The following MYL4 variants were observed in gnomAD, a reference collection of about 807,000 sequenced individuals.
The protein encoded by MYL4 is atrial myosin light chain 1.
A neutral mutation model predicts 21.6 loss-of-function variants in MYL4; 16 were observed. The ratio of observed to expected loss-of-function variants is 0.74; its 90% CI spans 0.50 to 1.12. The LOEUF (loss-of-function observed/expected upper bound fraction) is 1.12, where lower values mean the gene tolerates loss of function less well. MYL4 is among the 50% of genes most tolerant of loss of function. The pLI is 0.00. For synonymous variants in MYL4, 82 were observed against 95.7 expected (o/e 0.86, Z 0.83); for missense variants, 249 against 252.9 (o/e 0.98, Z 0.11).
intron 2 of MYL4, 117 bp downstream of exon 2, chr17:47,213,943 C>G: frequency 8.3e-7 from 1 of 1,201,092 alleles, no homozygotes; most frequent in Non-Finnish European, 1.2e-6. Context: ...CTGTCATCAT[C>G]ATAGCAAACC....
intron 2 of MYL4, 99 bp from the exon 3 acceptor site, chr17:47,219,805 C>A: frequency 2.1e-6 from 3 of 1,432,426 alleles, no homozygotes; most frequent in African/African-American, 1.4e-5. Context: ...ATTTTAACAA[C>A]CACACTCACC....
rs1340647241 is a variant in MYL4, at chr17:47,221,798, A to G, written c.430A>G (p.Lys144Glu). The change falls in exon 4 of 7, where the codon AAG becomes GAG. Residue 144 changes from lysine (K) to glutamate (E), a missense_variant. By Grantham distance (56) the Lys-to-Glu change is moderately conservative. Coordinates refer to ENST00000393450, the MANE Select transcript of MYL4 (RefSeq NM_002476.2). ...CGTGGAGGGCCTGCGTGTCTTTGAC[A>G]AGGAGAGCAATGGCACGGTCATGGG... is the stretch of plus-strand genomic sequence containing the variant. ...DFVEGLRVFD[K>E]ESNGTVMGAE... 2 of 1,614,016 alleles carry G rather than the reference A, an allele frequency of 1.2e-6. No homozygotes were observed. The highest frequency in any genetic ancestry group is 1.7e-6 in the Non-Finnish European group (2 of 1,180,018).
upstream of MYL4, among the ~76,000 whole-genome samples, chr17:47,205,840 C>T (rs1415153216): frequency 1.3e-5 from 2 of 152,140 alleles, no homozygotes; most frequent in Non-Finnish European, 2.9e-5. Context: ...CCCTTCCCCC[C>T]GCTTCCATTC....
At chr17:47,199,317 C>A (rs72823450), upstream of MYL4, among the ~76,000 whole-genome samples, 5,217 of 28,356 alleles carry the variant, frequency 0.18, 193 homozygotes, top group African/African-American at 0.37. Flanking sequence ...AAAAAAAAAA[C>A]CCCAGAAAAA....
At chr17:47,192,929 T>C in the MYL4 span, among the ~76,000 whole-genome samples, 1 of 152,186 alleles carries the variant, frequency 6.6e-6, no homozygotes. Flanking sequence ...AAAATTATTT[T>C]TTCTCCTAAG....
intron 4 of MYL4, 150 bp from the exon 5 acceptor site, chr17:47,222,230 C>A: frequency 1.3e-6 from 1 of 763,550 alleles, no homozygotes; most frequent in Non-Finnish European, 2.2e-6. Context: ...TTGGCCGCAC[C>A]CTTCAGAACC....
chr17:47,209,299 TG>T, upstream of MYL4: 2 of 1,305,942 alleles, frequency 1.5e-6, no homozygotes, highest in Non-Finnish European at 2.2e-6. Context: ...AGCCCCTCTG[TG>T]GGGGCTCCTG....
chr17:47,203,033 C>T (rs2149038540), intron 1 of MYL4, among the ~76,000 whole-genome samples: 1 of 152,262 alleles, frequency 6.6e-6, no homozygotes, highest in African/African-American at 2.4e-5. Flanking sequence ...CTCACTGCAG[C>T]CCTGCTTCCC....
intron 1 of MYL4, 173 bp downstream of exon 1, chr17:47,209,730 G>A (rs1413823318): frequency 2.2e-6 from 2 of 919,336 alleles, no homozygotes; most frequent in South Asian, 1.4e-5. Context: ...TGATGAGGGG[G>A]AGATTGAGTC....
chr17:47,213,293 A>G (rs1416167140), intron 1 of MYL4, among the ~76,000 whole-genome samples: 1 of 152,122 alleles, frequency 6.6e-6, no homozygotes, highest in Non-Finnish European at 1.5e-5. Flanking sequence ...AGAGCTTTGG[A>G]GTCTGCATTA....
At chr17:47,218,825 G>T (rs763523669) in intron 2 of MYL4, among the ~76,000 whole-genome samples, 2 of 152,096 alleles carry the variant, frequency 1.3e-5, no homozygotes, top group Admixed American at 1.3e-4. Flanking sequence ...AATCAATGAA[G>T]AGTTAAGGTT....
chr17:47,192,224 C>T, the MYL4 span, among the ~76,000 whole-genome samples: 3 of 151,662 alleles, frequency 2.0e-5, no homozygotes, highest in African/African-American at 7.3e-5. Flanking sequence ...CGTGGTGGCA[C>T]ATGCCTGTAA....
At chr17:47,193,797 C>A in the MYL4 span, among the ~76,000 whole-genome samples, 1 of 151,764 alleles carries the variant, frequency 6.6e-6, no homozygotes, top group Non-Finnish European at 1.5e-5. Context: ...ACTCTGTCAC[C>A]CAGGCTGGAG....
intron 1 of MYL4, among the ~76,000 whole-genome samples, chr17:47,203,881 T>C (rs1254844548): frequency 6.6e-6 from 1 of 152,146 alleles, no homozygotes; most frequent in Non-Finnish European, 1.5e-5. Flanking sequence ...ACTCATAAAA[T>C]AACTCTCCAT....
Position 47,218,575 on chromosome 17 carries a change from C to T in MYL4, c.164-1329C>T, listed in dbSNP as rs2064831853. ...CCAAGGCAGATGGATCACTTGAGGC[C>T]AGGAATTTGAGACCAGCCTGGCCAA... On this transcript the variant is annotated intron_variant, in intron 2 of 6. Coordinates refer to ENST00000393450, the MANE Select transcript of MYL4 (RefSeq NM_002476.2). Among the ~76,000 whole-genome samples, 4 of 152,174 alleles carry T rather than the reference C, an allele frequency of 2.6e-5. No individual in the cohort carries two copies. In the South Asian group the frequency reaches 8.3e-4, roughly 32 times the overall value.
chr17:47,189,477 T>A, the MYL4 span: 1 of 476,134 alleles, frequency 2.1e-6, no homozygotes, highest in Non-Finnish European at 3.9e-6. Flanking sequence ...AAAGCGTAGG[T>A]TTCTCTTCTC....
upstream of MYL4, among the ~76,000 whole-genome samples, chr17:47,196,911 A>G (rs539696246): frequency 1.3e-5 from 2 of 152,166 alleles, no homozygotes; most frequent in East Asian, 1.9e-4. Context: ...CTAAAATATT[A>G]TAATATTTCG....
In MYL4 at chr17:47,215,166, G is replaced by T. The variant is rs572020917; in HGVS notation, c.163+1340G>T. On this transcript the variant is annotated intron_variant, in intron 2 of 6. Transcript: ENST00000393450. ...AAACTAGTGAATTGAGCCTGACTCT[G>T]TTTTCATAATACTCAGTGGATACTC... Among the ~76,000 whole-genome samples the T allele has an allele frequency of 2.1e-3, 321 of 152,278 alleles. 4 individuals are homozygous for T. The highest frequency in any genetic ancestry group is 7.2e-3 in the African/African-American group (300 of 41,568).
At chr17:47,217,235 T>C (rs1031709934) in intron 2 of MYL4, among the ~76,000 whole-genome samples, 1 of 152,106 alleles carries the variant, frequency 6.6e-6, no homozygotes, top group Non-Finnish European at 1.5e-5. Context: ...GGCAGGTGGA[T>C]CACTTGAGGT....
Sources: allele counts gnomAD v4.1 joint callset (sites outside exome capture counted in the v4.1 genomes callset), GRCh38; gene constraint gnomAD v4.1.1; transcripts MANE v1.5; gene names NCBI Gene and HGNC (gene_info 2026-07-23, HGNC 2026-07-21).